The following KIAA0825 variants were observed in gnomAD, a reference collection of about 807,000 sequenced individuals.
KIAA0825 encodes the protein uncharacterized protein KIAA0825.
Under a neutral mutation model 147.6 loss-of-function variants are expected in KIAA0825, and 119 were observed. The ratio of observed to expected loss-of-function variants is 0.81; its 90% CI spans 0.69 to 0.94. KIAA0825 has a LOEUF of 0.94. Ranked by LOEUF, KIAA0825 falls within the 40% of genes least tolerant of loss-of-function variation. KIAA0825 has a pLI of 0.00. For synonymous variants in KIAA0825, 470 were observed against 518.1 expected, an observed-to-expected ratio of 0.91 and a Z score of 1.26; for missense variants, 1,381 against 1,472.7, an observed-to-expected ratio of 0.94 and a Z score of 1.02.
At chr5:94,490,138 A>C (rs948431426) in intron 5 of KIAA0825, among the ~76,000 whole-genome samples, 2 of 152,198 alleles carry the variant, frequency 1.3e-5, no homozygotes, top group Non-Finnish European at 2.9e-5. Flanking sequence ...AGACACAGTC[A>C]ACACAAGTGT....
intron 13 of KIAA0825, among the ~76,000 whole-genome samples, chr5:94,443,280 C>T (rs1757317221): frequency 6.6e-6 from 1 of 151,586 alleles, no homozygotes; most frequent in Non-Finnish European, 1.5e-5. Flanking sequence ...AGCCTTTGAG[C>T]TGGTGGAGCT....
intron 5 of KIAA0825, among the ~76,000 whole-genome samples, chr5:94,504,757 T>C (rs1765520816): frequency 6.7e-6 from 1 of 149,584 alleles, no homozygotes; most frequent in African/African-American, 2.4e-5. Flanking sequence ...TTTTTTTTTT[T>C]TTTTTTTTGA....
intron 11 of KIAA0825, among the ~76,000 whole-genome samples, chr5:94,462,811 G>C (rs1759999882): frequency 6.6e-6 from 1 of 151,786 alleles, no homozygotes; most frequent in African/African-American, 2.4e-5. Context: ...AGAGTTTTAG[G>C]AGTGCTTTTA....
intron 1 of KIAA0825, among the ~76,000 whole-genome samples, chr5:94,614,798 T>C (rs1561399778): frequency 6.6e-6 from 1 of 152,250 alleles, no homozygotes; most frequent in African/African-American, 2.4e-5. Flanking sequence ...TTATATAACT[T>C]TCTCTCTCCT....
Position 94,257,357 on chromosome 5 carries a change from T to C in KIAA0825, c.3711-103233A>G, listed in dbSNP as rs533036966. Among the ~76,000 whole-genome samples the C allele has an allele frequency of 1.4e-4, 21 of 152,246 alleles. No individual in the cohort carries two copies. The East Asian group carries it at 3.9e-3, about 28-fold the overall frequency. On this transcript the variant is annotated intron_variant, in intron 20 of 20. Coordinates refer to ENST00000682413, the MANE Select transcript of KIAA0825 (RefSeq NM_001145678.3). ...AGACACAGACCATGCTTAACCTATA[T>C]TTTAAAAAAGAAAACCTGTTTGAAC...
chr5:94,509,732 T>C (rs1162024486), intron 5 of KIAA0825, among the ~76,000 whole-genome samples: 2 of 152,204 alleles, frequency 1.3e-5, no homozygotes, highest in Non-Finnish European at 2.9e-5. Flanking sequence ...TACATACTGA[T>C]TCTACATTAC....
intron 20 of KIAA0825, among the ~76,000 whole-genome samples, chr5:94,155,545 G>A (rs140313132): frequency 1.8e-4 from 27 of 152,106 alleles, no homozygotes; most frequent in Non-Finnish European, 3.5e-4. Flanking sequence ...TTTCCTTTTT[G>A]GAGTGCTGAG....
intron 13 of KIAA0825, among the ~76,000 whole-genome samples, chr5:94,446,393 T>C (rs144303041): frequency 6.6e-6 from 1 of 152,150 alleles, no homozygotes; most frequent in African/African-American, 2.4e-5. Context: ...AAAGTAAAAA[T>C]GCTATTAGAA....
In KIAA0825 at chr5:94,407,779, A is replaced by G. The variant is rs113550157; in HGVS notation, c.2663-3986T>C. 9.3e-3 allele frequency among the ~76,000 whole-genome samples: 1,411 copies of G among 152,330 alleles called. 22 individuals carry two copies. The highest frequency in any genetic ancestry group is 0.032 in the African/African-American group (1,332 of 41,566). On this transcript the variant is annotated intron_variant, in intron 15 of 20. Coordinates refer to ENST00000682413, the MANE Select transcript of KIAA0825 (RefSeq NM_001145678.3). ...GATGGTTGCACAGTTCTGTGAATCT[A>G]CTAAAAACCACTGAACTGTGATATT...
intron 17 of KIAA0825, among the ~76,000 whole-genome samples, chr5:94,392,188 A>C (rs1749987961): frequency 6.6e-6 from 1 of 152,196 alleles, no homozygotes; most frequent in Non-Finnish European, 1.5e-5. Context: ...TATTATGCTA[A>C]ATATAGGCTG....
chr5:94,366,398 C>T (rs954694996), intron 20 of KIAA0825, among the ~76,000 whole-genome samples: 5 of 152,110 alleles, frequency 3.3e-5, no homozygotes, highest in Non-Finnish European at 7.3e-5. Context: ...AGAGACTGCT[C>T]TGGGTAGCCC....
intron 20 of KIAA0825, among the ~76,000 whole-genome samples, chr5:94,268,706 G>C (rs937216527): frequency 1.3e-5 from 2 of 152,120 alleles, no homozygotes; most frequent in Non-Finnish European, 2.9e-5. Flanking sequence ...TAGACATCAG[G>C]AGCCCAATCT....
At chr5:94,497,017 T>C (rs1474098864) in intron 5 of KIAA0825, among the ~76,000 whole-genome samples, 2 of 152,186 alleles carry the variant, frequency 1.3e-5, no homozygotes, top group Non-Finnish European at 1.5e-5. Context: ...CTATTGGGAT[T>C]AATAGGATTT....
At chr5:94,198,319 T>C (rs1001719437) in intron 20 of KIAA0825, among the ~76,000 whole-genome samples, 3 of 152,198 alleles carry the variant, frequency 2.0e-5, no homozygotes, top group Non-Finnish European at 4.4e-5. Flanking sequence ...GTATCCTGAA[T>C]CTTTACTGAA....
chr5:94,202,566 C>T (rs190350777), intron 20 of KIAA0825, among the ~76,000 whole-genome samples: 1 of 152,084 alleles, frequency 6.6e-6, no homozygotes, highest in South Asian at 2.1e-4. Flanking sequence ...GGTTTCTGCA[C>T]CAGGAAACAC....
At chr5:94,565,511 T>G (rs1778555557) in intron 2 of KIAA0825, among the ~76,000 whole-genome samples, 1 of 151,788 alleles carries the variant, frequency 6.6e-6, no homozygotes, top group South Asian at 2.1e-4. Flanking sequence ...CTGGCTAATT[T>G]TTGTATTTTT....
At chr5:94,308,556 A>G (rs1158455002) in intron 20 of KIAA0825, among the ~76,000 whole-genome samples, 1 of 151,830 alleles carries the variant, frequency 6.6e-6, no homozygotes, top group Non-Finnish European at 1.5e-5. Flanking sequence ...AAGGGACTCT[A>G]TAAGATTTTC....
chr5:94,369,877 T>C (rs865883717), intron 20 of KIAA0825, among the ~76,000 whole-genome samples: 10 of 152,134 alleles, frequency 6.6e-5, no homozygotes, highest in Admixed American at 4.6e-4. Flanking sequence ...CAAGAAGCCA[T>C]AGTTTCAGCA....
At chr5:94,599,029 G>T (rs1785823099) in intron 1 of KIAA0825, among the ~76,000 whole-genome samples, 1 of 152,034 alleles carries the variant, frequency 6.6e-6, no homozygotes, top group Non-Finnish European at 1.5e-5. Flanking sequence ...TCTATTTTCA[G>T]TTTTTCTTTT....
Sources: allele counts gnomAD v4.1 joint callset (sites outside exome capture counted in the v4.1 genomes callset), GRCh38; gene constraint gnomAD v4.1.1; transcripts MANE v1.5; gene names NCBI Gene and HGNC (gene_info 2026-07-23, HGNC 2026-07-21).